THADA: variants seen among roughly 807,000 people sequenced by gnomAD.
THADA encodes the protein THADA armadillo repeat containing, also known as tRNA (32-2'-O)-methyltransferase regulator THADA.
Under a neutral mutation model 219.8 loss-of-function variants are expected in THADA, and 213 were observed. That is an observed-to-expected ratio of 0.97 (90% CI 0.87 to 1.09). THADA has a LOEUF of 1.09. Among genes scored for constraint, THADA ranks in the 50% least tolerant of loss-of-function variants. The pLI, the probability that THADA is intolerant of heterozygous loss-of-function variation, is 0.00. For synonymous variants in THADA, 1,018 were observed against 828.9 expected, an observed-to-expected ratio of 1.23 and a Z score of -3.92; for missense variants, 2,956 against 2,311.3, an observed-to-expected ratio of 1.28 and a Z score of -5.72.
intron 11 of THADA, 45 bp from the exon 12 acceptor site, chr2:43,573,037 T>C: frequency 7.2e-7 from 1 of 1,384,618 alleles, no homozygotes. Flanking sequence ...ATGCAATGAC[T>C]ACTATAATTA....
chr2:43,576,802 A>G (rs1052702322), intron 10 of THADA, among the ~76,000 whole-genome samples: 2 of 152,082 alleles, frequency 1.3e-5, no homozygotes, highest in African/African-American at 2.4e-5. Context: ...CTACAGGCGC[A>G]TGCCACCACA....
chr2:43,513,839 C>A (rs925506349), intron 22 of THADA, among the ~76,000 whole-genome samples: 7 of 152,088 alleles, frequency 4.6e-5, no homozygotes, highest in African/African-American at 1.7e-4. Flanking sequence ...AGCAGTCTGA[C>A]AAAAACCTTA....
intron 26 of THADA, among the ~76,000 whole-genome samples, chr2:43,469,540 G>A (rs1684661540): frequency 1.3e-5 from 2 of 151,892 alleles, no homozygotes; most frequent in Admixed American, 1.3e-4. Flanking sequence ...CTCACTACTA[G>A]GAAGACTATA....
chr2:43,354,114 C>T (rs1159557506), intron 29 of THADA, among the ~76,000 whole-genome samples: 2 of 151,980 alleles, frequency 1.3e-5, no homozygotes, highest in Non-Finnish European at 2.9e-5. Flanking sequence ...AGCCACTGCG[C>T]CCGGCCAATT....
At chr2:43,390,501 C>T (rs961499833) in intron 29 of THADA, among the ~76,000 whole-genome samples, 7 of 152,172 alleles carry the variant, frequency 4.6e-5, no homozygotes, top group African/African-American at 7.2e-5. Flanking sequence ...TTTGCTCAAA[C>T]GTTTCCAATG....
At chr2:43,425,471 T>C (rs984984583) in intron 28 of THADA, among the ~76,000 whole-genome samples, 7 of 151,546 alleles carry the variant, frequency 4.6e-5, no homozygotes, top group African/African-American at 1.7e-4. Flanking sequence ...TGTGTGTGTG[T>C]GTGTGTGTGT....
At chr2:43,264,198 A>G (rs532714335) in intron 36 of THADA, among the ~76,000 whole-genome samples, 1 of 152,154 alleles carries the variant, frequency 6.6e-6, no homozygotes, top group Admixed American at 6.5e-5. Context: ...TAGAGTGAAA[A>G]GAAACTGAAG....
At chr2:43,395,074 T>C (rs1261163232) in intron 29 of THADA, among the ~76,000 whole-genome samples, 1 of 152,204 alleles carries the variant, frequency 6.6e-6, no homozygotes, top group Non-Finnish European at 1.5e-5. Context: ...CAGCCAGACC[T>C]GCCAGTAGCA....
chr2:43,592,130 T>A (rs543892607), intron 2 of THADA, 84 bp from the exon 3 acceptor site: 25 of 1,209,600 alleles, frequency 2.1e-5, no homozygotes, highest in Middle Eastern at 4.1e-4. Flanking sequence ...CAAAATTTTT[T>A]AATTATAAAC....
chr2:43,576,868 T>A (rs773846803), intron 10 of THADA, among the ~76,000 whole-genome samples, 154 bp downstream of exon 10: 2 of 152,194 alleles, frequency 1.3e-5, no homozygotes, highest in Non-Finnish European at 1.5e-5. Context: ...TCACCAAGGC[T>A]GGTTTTGAAC....
intron 37 of THADA, among the ~76,000 whole-genome samples, chr2:43,232,427 C>T (rs1254339212): frequency 1.3e-5 from 2 of 152,114 alleles, no homozygotes; most frequent in Non-Finnish European, 2.9e-5. Context: ...ATCCGCCTGC[C>T]TTGGCCTCCC....
chr2:43,526,769 C>A (rs1394932537), intron 22 of THADA, among the ~76,000 whole-genome samples: 1 of 152,128 alleles, frequency 6.6e-6, no homozygotes, highest in Non-Finnish European at 1.5e-5. Context: ...ATTTCTCAAA[C>A]TAAAACATAA....
intron 25 of THADA, among the ~76,000 whole-genome samples, chr2:43,490,960 C>A (rs1687561788): frequency 6.6e-6 from 1 of 152,084 alleles, no homozygotes; most frequent in Admixed American, 6.6e-5. Context: ...TTATACAGAA[C>A]AACACTTAAA....
At chr2:43,492,010 A>G (rs2105036222) in intron 25 of THADA, 1 of 152,026 alleles carries the variant, frequency 6.6e-6, no homozygotes, top group Admixed American at 6.6e-5. Flanking sequence ...TTTCATGTAG[A>G]CTCGTTTAAG....
At chr2:43,496,200 T>G (rs187577921) in intron 25 of THADA, among the ~76,000 whole-genome samples, 25 of 152,314 alleles carry the variant, frequency 1.6e-4, no homozygotes, top group Admixed American at 5.9e-4. Flanking sequence ...GCCAGACTTT[T>G]TACTTTAAGC....
At position 43,257,952 on chromosome 2, in the gene THADA, A is replaced by G. The variant is rs1670513382; in HGVS notation, c.5296+21813T>C. Among the ~76,000 whole-genome samples the G allele has an allele frequency of 1.3e-5, 2 of 152,064 alleles. 1 individual carries two copies. The highest frequency in any genetic ancestry group is 4.1e-4 in the South Asian group (2 of 4,824). On this transcript the variant is annotated intron_variant, in intron 36 of 37. Coordinates refer to ENST00000405975, the MANE Select transcript of THADA (RefSeq NM_022065.5). ...AGTGGGAGGAAGGGGAGGTACAGAA[A>G]AGCAGGAGTTGGGGATTCAGCAGGC...
chr2:43,364,658 T>C (rs1337945773), intron 29 of THADA, among the ~76,000 whole-genome samples: 1 of 152,262 alleles, frequency 6.6e-6, no homozygotes, highest in African/African-American at 2.4e-5. Flanking sequence ...TACATCCTTA[T>C]GACGCGCCTG....
intron 34 of THADA, among the ~76,000 whole-genome samples, chr2:43,287,706 T>G (rs1184003980): frequency 6.6e-6 from 1 of 152,164 alleles, no homozygotes; most frequent in African/African-American, 2.4e-5. Flanking sequence ...AACAACTTAT[T>G]GTCACCAATA....
Position 43,577,247 on chromosome 2 carries a change from A to G in THADA, c.817-5T>C, listed in dbSNP as rs1699955914. The G allele has an allele frequency of 6.4e-7, 1 of 1,574,064 alleles. No homozygotes were observed. The highest frequency in any genetic ancestry group is 8.6e-7 in the Non-Finnish European group (1 of 1,159,058). ...ACGAAGCAGCACACTGCTAATCTGG[A>G]AAAATATAGCAGAGCTAACACACAT... On this transcript the variant is annotated splice_polypyrimidine_tract_variant and splice_region_variant and intron_variant, in intron 9 of 37. Coordinates refer to ENST00000405975, the MANE Select transcript of THADA (RefSeq NM_022065.5).
Sources: allele counts gnomAD v4.1 joint callset (sites outside exome capture counted in the v4.1 genomes callset), GRCh38; gene constraint gnomAD v4.1.1; transcripts MANE v1.5; gene names NCBI Gene and HGNC (gene_info 2026-07-23, HGNC 2026-07-21).